TMEM131: variants seen among roughly 807,000 people sequenced by gnomAD.
TMEM131 encodes the protein 2610524E03Rik.
TMEM131 carries 66 observed loss-of-function variants against 211.6 expected under a neutral mutation model. That is an observed-to-expected ratio of 0.31 (90% CI 0.26 to 0.38). TMEM131 has a LOEUF of 0.38. TMEM131 is among the 10% of genes least tolerant of loss of function. The pLI is 1.00. For missense variants in TMEM131, 2,036 were observed against 2,299.3 expected (o/e 0.89, Z 2.34); for synonymous variants, 844 against 841.3 (o/e 1.00, Z -0.06).
At chr2:97,864,272 G>A (rs569423470) in intron 4 of TMEM131, among the ~76,000 whole-genome samples, 10 of 152,172 alleles carry the variant, frequency 6.6e-5, no homozygotes, top group South Asian at 4.1e-4. Context: ...TGATTAATAC[G>A]TATAAAGAAA....
intron 4 of TMEM131, among the ~76,000 whole-genome samples, chr2:97,862,436 G>A (rs1464979151): frequency 4.6e-5 from 7 of 151,702 alleles, no homozygotes; most frequent in South Asian, 4.2e-4. Context: ...CCTTCCAGAC[G>A]GACAATTCAA....
chr2:97,829,231 G>A (rs1158351357), intron 11 of TMEM131, among the ~76,000 whole-genome samples: 2 of 152,208 alleles, frequency 1.3e-5, no homozygotes, highest in African/African-American at 4.8e-5. Flanking sequence ...GAACTTTTCT[G>A]TCTAGCTAGA....
chr2:97,949,571 T>C (rs1678201921), intron 1 of TMEM131, among the ~76,000 whole-genome samples: 1 of 151,976 alleles, frequency 6.6e-6, no homozygotes, highest in Non-Finnish European at 1.5e-5. Context: ...TCCCAGCACT[T>C]TGGGAGGCCG....
intron 1 of TMEM131, among the ~76,000 whole-genome samples, chr2:97,966,574 A>C (rs1449695232): frequency 1.3e-5 from 2 of 152,176 alleles, no homozygotes; most frequent in African/African-American, 2.4e-5. Context: ...AGCTGACTAC[A>C]TGGATTACCT....
chr2:97,899,379 C>T (rs980207470), intron 3 of TMEM131, among the ~76,000 whole-genome samples: 2 of 152,086 alleles, frequency 1.3e-5, no homozygotes, highest in African/African-American at 4.8e-5. Context: ...ATAAAGAACT[C>T]TTAACTGAAT....
intron 4 of TMEM131, among the ~76,000 whole-genome samples, chr2:97,870,470 A>G (rs1573486144): frequency 6.6e-6 from 1 of 152,090 alleles, no homozygotes; most frequent in Non-Finnish European, 1.5e-5. Context: ...AGTGTGAGGT[A>G]TTTATAAACC....
At chr2:97,995,034 G>A (rs539268214) in intron 1 of TMEM131, among the ~76,000 whole-genome samples, 3 of 152,310 alleles carry the variant, frequency 2.0e-5, no homozygotes, top group South Asian at 2.1e-4. Flanking sequence ...ATTTCCCCTC[G>A]AAGAAATGTC....
chr2:97,821,354 C>T (rs1339167300), intron 11 of TMEM131, among the ~76,000 whole-genome samples: 3 of 152,192 alleles, frequency 2.0e-5, no homozygotes, highest in African/African-American at 4.8e-5. Flanking sequence ...CCAATCAACA[C>T]TGTAAAATGG....
At chr2:97,988,498 C>T (rs1165455459) in intron 1 of TMEM131, among the ~76,000 whole-genome samples, 1 of 152,036 alleles carries the variant, frequency 6.6e-6, no homozygotes, top group South Asian at 2.1e-4. Flanking sequence ...AGGCAACCTG[C>T]CAAATGGGAG....
chr2:97,987,457 C>A (rs535766921), intron 1 of TMEM131, among the ~76,000 whole-genome samples: 1 of 152,006 alleles, frequency 6.6e-6, no homozygotes, highest in Non-Finnish European at 1.5e-5. Flanking sequence ...AAGCTGAGAT[C>A]GCACCACTGT....
intron 1 of TMEM131, among the ~76,000 whole-genome samples, chr2:97,983,486 A>G (rs555099327): frequency 5.9e-5 from 9 of 152,268 alleles, no homozygotes; most frequent in South Asian, 2.1e-4. Flanking sequence ...ATAATCTGCA[A>G]TTGTCTTGCT....
intron 1 of TMEM131, among the ~76,000 whole-genome samples, chr2:97,987,969 T>C (rs1680100580): frequency 1.3e-5 from 2 of 152,134 alleles, no homozygotes; most frequent in South Asian, 2.1e-4. Context: ...CTAAAATTCA[T>C]ACAGAATCTC....
At chr2:97,941,603 A>C (rs1263554938) in intron 1 of TMEM131, among the ~76,000 whole-genome samples, 1 of 152,222 alleles carries the variant, frequency 6.6e-6, no homozygotes, top group East Asian at 1.9e-4. Flanking sequence ...TCCAGAATCG[A>C]CAAAGAACTT....
At chr2:97,988,371 A>T (rs960322590) in intron 1 of TMEM131, among the ~76,000 whole-genome samples, 1 of 152,258 alleles carries the variant, frequency 6.6e-6, no homozygotes, top group African/African-American at 2.4e-5. Flanking sequence ...GAGAAAGCAT[A>T]GGGAAAAAGT....
chr2:97,777,822 C>T lies in TMEM131; in HGVS notation c.4145-1804G>A, dbSNP rs901399069. On this transcript the variant is annotated intron_variant, in intron 31 of 40. Coordinates refer to ENST00000186436, the MANE Select transcript of TMEM131 (RefSeq NM_015348.2). ...AGAGCAAGACCCTGCCTCAAAAAACCAAACCAAGCCAAACCAAGCCAAACC... is the reference window on the plus strand; with the variant it reads ...AGAGCAAGACCCTGCCTCAAAAAACTAAACCAAGCCAAACCAAGCCAAACC... 3.3e-5 allele frequency among the ~76,000 whole-genome samples: 5 copies of T among 151,532 alleles called. No individual in the cohort carries two copies. The East Asian group carries it at 9.7e-4, about 29-fold the overall frequency.
chr2:97,987,309 G>A (rs1010648278), intron 1 of TMEM131, among the ~76,000 whole-genome samples: 4 of 152,096 alleles, frequency 2.6e-5, no homozygotes, highest in Non-Finnish European at 4.4e-5. Context: ...TCAAGAGATC[G>A]AGACCATCCT....
chr2:97,925,590 T>A (rs970366703), intron 2 of TMEM131, among the ~76,000 whole-genome samples: 1 of 152,228 alleles, frequency 6.6e-6, no homozygotes, highest in Admixed American at 6.5e-5. Flanking sequence ...GCACTGCACA[T>A]GCATCGTGCC....
chr2:97,923,400 A>G (rs1440399191), intron 2 of TMEM131, among the ~76,000 whole-genome samples: 1 of 152,138 alleles, frequency 6.6e-6, no homozygotes, highest in African/African-American at 2.4e-5. Context: ...AGATGGGAGG[A>G]CTGCTTGAGC....
chr2:97,860,326 G>T (rs1674016935), intron 4 of TMEM131, among the ~76,000 whole-genome samples: 1 of 152,084 alleles, frequency 6.6e-6, no homozygotes, highest in Non-Finnish European at 1.5e-5. Context: ...CTGCTAATCT[G>T]CCTGCCCTGT....
Sources: allele counts gnomAD v4.1 joint callset (sites outside exome capture counted in the v4.1 genomes callset), GRCh38; gene constraint gnomAD v4.1.1; transcripts MANE v1.5; gene names NCBI Gene and HGNC (gene_info 2026-07-23, HGNC 2026-07-21).